Variants in RERE observed in about 807,000 individuals in gnomAD.
The protein encoded by RERE is arginine-glutamic acid dipeptide repeats protein.
RERE carries 40 observed loss-of-function variants against 146.1 expected under a neutral mutation model. The observed-to-expected ratio is 0.27, with a 90% confidence interval of 0.21 to 0.36. RERE has a LOEUF of 0.36. RERE is among the 10% of genes least tolerant of loss of function. The pLI, the probability that RERE is intolerant of heterozygous loss-of-function variation, is 1.00. For synonymous variants in RERE, 1,003 were observed against 866.0 expected (o/e 1.16, Z -2.78); for missense variants, 1,933 against 2,138.7 (o/e 0.90, Z 1.90).
At chr1:8,618,606 A>G (rs1570521868) in intron 3 of RERE, among the ~76,000 whole-genome samples, 1 of 152,216 alleles carries the variant, frequency 6.6e-6, no homozygotes, top group South Asian at 2.1e-4. Flanking sequence ...TTCTGTGCTA[A>G]GTGGTAACAG....
At chr1:8,665,821 A>T (rs1326932505) in intron 1 of RERE, among the ~76,000 whole-genome samples, 1 of 152,238 alleles carries the variant, frequency 6.6e-6, no homozygotes, top group Non-Finnish European at 1.5e-5. Context: ...GTAATTTATG[A>T]TCCAAACTGG....
intron 2 of RERE, among the ~76,000 whole-genome samples, chr1:8,647,937 T>G (rs867317926): frequency 3.3e-5 from 5 of 152,186 alleles, no homozygotes; most frequent in African/African-American, 1.2e-4. Flanking sequence ...AATAGTTGCA[T>G]GTTATCTTTA....
At chr1:8,380,712 A>C (rs930951267) in intron 12 of RERE, 4 of 379,702 alleles carry the variant, frequency 1.1e-5, no homozygotes, top group Non-Finnish European at 2.1e-5. Flanking sequence ...TTTCAACACA[A>C]GTCAAAATCC....
In RERE at chr1:8,360,353, A is replaced by C. The variant is rs769439283; in HGVS notation, c.3154T>G (p.Cys1052Gly). The C allele has an allele frequency of 2.0e-5, 28 of 1,398,772 alleles. No individual in the cohort carries two copies. In the African/African-American group the frequency reaches 4.4e-4, roughly 22 times the overall value. 86.6% of individuals were successfully genotyped at this position (1,398,772 alleles called of 1,614,324 possible). Reference sequence around the variant, plus strand: ...GCCGGTGGGGTAGAGGTGGAGGGGCAGGTCGGAGGGGTGATGGGAGGAGGG... The same window carrying C: ...GCCGGTGGGGTAGAGGTGGAGGGGCCGGTCGGAGGGGTGATGGGAGGAGGG... ...GGPPPITPPT[C>G]PSTSTPPAGP... The change falls in exon 18 of 23, where the codon TGC becomes GGC. Residue 1052 changes from cysteine to glycine, a missense_variant. Cys to Gly is a radical substitution (Grantham distance 159). This residue lies in a region of RERE where 1,255 missense variants were observed against 1,153.8 expected (regional missense o/e 1.09). Transcript: ENST00000400908.
At chr1:8,377,695 C>T (rs568578160) in intron 12 of RERE, among the ~76,000 whole-genome samples, 1 of 152,132 alleles carries the variant, frequency 6.6e-6, no homozygotes, top group East Asian at 1.9e-4. Flanking sequence ...TCTTATTATC[C>T]CTGCACAGCA....
At chr1:8,625,528 A>G (rs1646964338) in intron 2 of RERE, among the ~76,000 whole-genome samples, 1 of 151,836 alleles carries the variant, frequency 6.6e-6, no homozygotes, top group African/African-American at 2.4e-5. Flanking sequence ...CTAGTCTCAA[A>G]CTCTTGGGCT....
chr1:8,564,827 T>C (rs994483583), intron 4 of RERE, among the ~76,000 whole-genome samples: 1 of 27,758 alleles, frequency 3.6e-5, no homozygotes, highest in African/African-American at 1.8e-4. Flanking sequence ...TGTGTGTATA[T>C]GTGTATGTGT....
At chr1:8,550,600 G>C (rs142542408) in intron 6 of RERE, among the ~76,000 whole-genome samples, 27 of 152,278 alleles carry the variant, frequency 1.8e-4, no homozygotes, top group Non-Finnish European at 3.2e-4. Context: ...AGGCTGGAGT[G>C]CAGTGGCACG....
chr1:8,429,448 G>A (rs922283450), intron 11 of RERE, among the ~76,000 whole-genome samples: 4 of 150,556 alleles, frequency 2.7e-5, no homozygotes, highest in Admixed American at 1.3e-4. Context: ...AGGGTAAGGT[G>A]TGCAAATTCC....
At chr1:8,672,317 G>A (rs893495602) in intron 1 of RERE, among the ~76,000 whole-genome samples, 7 of 151,980 alleles carry the variant, frequency 4.6e-5, no homozygotes, top group African/African-American at 1.7e-4. Flanking sequence ...GGGACTACAG[G>A]TACGTATCAC....
chr1:8,449,082 T>A (rs1235264332), intron 11 of RERE, among the ~76,000 whole-genome samples: 3 of 152,204 alleles, frequency 2.0e-5, no homozygotes, highest in Non-Finnish European at 4.4e-5. Context: ...AAGATCAGGC[T>A]GCTCTGAATC....
intron 12 of RERE, among the ~76,000 whole-genome samples, chr1:8,386,022 A>ATATTTTTTTTTT (rs1186333936): frequency 3.8e-5 from 1 of 26,624 alleles, no homozygotes; most frequent in Non-Finnish European, 6.0e-5. Context: ...ATATATATAT[A>ATATTTTTTTTTT]TTTTTTTTTT....
rs140686668 is a variant in RERE at position 8,445,346 on chromosome 1, C to T, written c.1203+20579G>A. On this transcript the variant is annotated intron_variant, in intron 11 of 22. Coordinates refer to ENST00000400908, the MANE Select transcript of RERE (RefSeq NM_001042681.2). ...CCACCAAGGTACAGACTTTTCTTCA[C>T]TGGAATTCCAAAGCTGACTATAGCT... 2.7e-3 allele frequency among the ~76,000 whole-genome samples: 412 copies of T among 152,346 alleles called. 4 individuals carry two copies. The highest frequency in any genetic ancestry group is 9.5e-3 in the African/African-American group (393 of 41,580).
At chr1:8,444,172 C>T (rs913522956) in intron 11 of RERE, among the ~76,000 whole-genome samples, 1 of 152,174 alleles carries the variant, frequency 6.6e-6, no homozygotes. Flanking sequence ...AGTGGAAGTG[C>T]CCAAGACCTT....
At position 8,355,610 on chromosome 1, in the gene RERE, CA is replaced by C. The variant is rs1222163780; in HGVS notation, c.4487-12del. The C allele has an allele frequency of 2.6e-6, 4 of 1,562,296 alleles. No homozygotes were observed. Among genetic ancestry groups the C allele is most frequent in the South Asian group, 1.2e-5 (1 of 84,090 alleles). ...GGGGGTAGGGGGTGCCTGCCGAACACAAAACAACCTGCGCTACAGAAATAGC... is the reference window on the plus strand; with the variant it reads ...GGGGGTAGGGGGTGCCTGCCGAACACAAACAACCTGCGCTACAGAAATAGC... On this transcript the variant is annotated splice_polypyrimidine_tract_variant and intron_variant, in intron 21 of 22. Coordinates refer to ENST00000400908, the MANE Select transcript of RERE (RefSeq NM_001042681.2).
intron 6 of RERE, among the ~76,000 whole-genome samples, chr1:8,548,820 T>C (rs963334728): frequency 2.6e-5 from 4 of 151,888 alleles, no homozygotes; most frequent in African/African-American, 9.7e-5. Context: ...CCATCTCTAC[T>C]AAAAATACAA....
At chr1:8,785,760 T>G (rs1032514973) in intron 1 of RERE, among the ~76,000 whole-genome samples, 71 of 152,160 alleles carry the variant, frequency 4.7e-4, no homozygotes, top group African/African-American at 1.7e-3. Flanking sequence ...TAGCTGAGAT[T>G]ACAGGTGCCA....
chr1:8,459,596 T>C (rs1644499934), intron 11 of RERE, among the ~76,000 whole-genome samples: 1 of 152,340 alleles, frequency 6.6e-6, no homozygotes, highest in African/African-American at 2.4e-5. Flanking sequence ...TCAACTCACA[T>C]GTATGCAAAC....
chr1:8,622,162 G>A (rs1646923525), intron 3 of RERE, among the ~76,000 whole-genome samples: 3 of 152,054 alleles, frequency 2.0e-5, no homozygotes, highest in South Asian at 4.1e-4. Context: ...AGCAATTACC[G>A]TAACTCAGCA....
Sources: allele counts gnomAD v4.1 joint callset (sites outside exome capture counted in the v4.1 genomes callset), GRCh38; gene constraint gnomAD v4.1.1; regional missense constraint gnomAD v4.1.1; transcripts MANE v1.5; gene names NCBI Gene and HGNC (gene_info 2026-07-23, HGNC 2026-07-21).